CCT5: variants seen among roughly 807,000 people sequenced by gnomAD.
The protein encoded by CCT5 is T-complex protein 1 subunit epsilon.
CCT5 carries 6 observed loss-of-function variants against 55.0 expected under a neutral mutation model. That is an observed-to-expected ratio of 0.11 (90% CI 0.06 to 0.22). CCT5 has a LOEUF of 0.22. CCT5 is among the 10% of genes least tolerant of loss of function. The pLI is 1.00. For synonymous variants in CCT5, 231 were observed against 243.7 expected (o/e 0.95, Z 0.49); for missense variants, 560 against 694.6 (o/e 0.81, Z 2.18).
intron 4 of CCT5, among the ~76,000 whole-genome samples, chr5:10,257,668 C>G (rs958592951): frequency 6.6e-6 from 1 of 152,224 alleles, no homozygotes; most frequent in Non-Finnish European, 1.5e-5. Context: ...CCAGTCCTTT[C>G]AGTTCCTGGT....
Position 10,250,684 on chromosome 5 carries a change from C to T in CCT5, c.105+239C>T. ...GCTGGGCCGCCAGCGCCCTTCGGAG[C>T]TGGGTGGGGCCGCTCAGTCCGGTCG... On this transcript the variant is annotated intron_variant, in intron 1 of 10. Transcript: ENST00000280326. 3 of 1,387,670 alleles carry T rather than the reference C, an allele frequency of 2.2e-6. No individual in the cohort carries two copies. The South Asian group carries it at 4.7e-5, about 22-fold the overall frequency. 86.0% of individuals were successfully genotyped at this position (1,387,670 alleles called of 1,614,324 possible).
In CCT5 at chr5:10,262,495, G is replaced by A. The variant is rs113262482; in HGVS notation, c.1194G>A (p.Ala398=). Residue 398 remains alanine, a synonymous_variant, in exon 9 of 11, where the codon GCG becomes GCA. Transcript: ENST00000280326. The stretch of plus-strand genomic sequence containing the variant: ...GTTTTCCTTAGATCATTGAGGAGGC[G>A]AAACGATCCCTTCACGATGCTTTGT... The part of the protein sequence containing the change: ...RGGNKMIIEE[A]KRSLHDALCV... 1.5e-3 allele frequency: 2,386 copies of A among 1,614,090 alleles called. 24 individuals carry two copies. In the African/African-American group the frequency reaches 0.025, roughly 17 times the overall value.
chr5:10,251,627 C>G (rs1407604293), intron 1 of CCT5, among the ~76,000 whole-genome samples: 1 of 152,142 alleles, frequency 6.6e-6, no homozygotes, highest in African/African-American at 2.4e-5. Context: ...CGCGGAACCT[C>G]CTTTTCCAGG....
chr5:10,257,459 T>C (rs1368833765), intron 4 of CCT5, among the ~76,000 whole-genome samples: 1 of 152,274 alleles, frequency 6.6e-6, no homozygotes, highest in Non-Finnish European at 1.5e-5. Context: ...ACAACATGTT[T>C]ACTTTCATGG....
At position 10,254,691 on chromosome 5, in the gene CCT5, G is replaced by A; in HGVS notation, c.184G>A (p.Val62Met). Residue 62 changes from valine to methionine, a missense_variant, in exon 3 of 11, where the codon GTG (valine) becomes ATG (methionine). Physicochemically the swap from Val to Met is conservative, Grantham distance 21. This residue lies in a region of CCT5 where 137 missense variants were observed against 181.9 expected (regional missense o/e 0.75). Coordinates refer to ENST00000280326, the MANE Select transcript of CCT5 (RefSeq NM_012073.5). ...LGPNGLDKMM[V>M]DKDGDVTVTN... ...TTTTTTAGGGCTTGATAAGATGATG[G>A]TGGATAAGGATGGAGATGTGACTGT... 2.5e-6 allele frequency: 4 copies of A among 1,613,836 alleles called. No homozygotes were observed. The highest frequency in any genetic ancestry group is 3.4e-6 in the Non-Finnish European group (4 of 1,179,800).
intron 10 of CCT5, 87 bp from the exon 11 acceptor site, chr5:10,264,569 A>T: frequency 1.1e-6 from 1 of 908,364 alleles, no homozygotes; most frequent in African/African-American, 1.6e-5. Flanking sequence ...CTTAAGTCTT[A>T]CTGTGATTCC....
intron 1 of CCT5, 49 bp from the exon 2 acceptor site, chr5:10,254,096 C>G (rs1182187322): frequency 4.1e-6 from 5 of 1,229,200 alleles, no homozygotes; most frequent in African/African-American, 1.5e-5. Flanking sequence ...TGCTTTTAAC[C>G]ATTGAAATTA....
intron 3 of CCT5, 71 bp from the exon 4 acceptor site, chr5:10,255,884 C>A: frequency 7.5e-7 from 1 of 1,336,610 alleles, no homozygotes; most frequent in Non-Finnish European, 1.1e-6. Context: ...TAGCATCTAA[C>A]TTGTGCTGAT....
intron 6 of CCT5, 141 bp downstream of exon 6, chr5:10,258,676 C>A: frequency 2.6e-6 from 2 of 782,136 alleles, no homozygotes; most frequent in Non-Finnish European, 4.3e-6. Flanking sequence ...AAGGCATAAA[C>A]AGGGAAGAAT....
chr5:10,258,375 T>C lies in CCT5; in HGVS notation c.724-11T>C. On this transcript the variant is annotated splice_polypyrimidine_tract_variant and intron_variant, in intron 5 of 10. Transcript: ENST00000280326. ...TTCCACCAATTAAAATGTCTTTATG[T>C]TCCCCCATAGAAAGTGGAAGATGCG... The C allele has an allele frequency of 6.2e-7, 1 of 1,614,076 alleles. No individual in the cohort carries two copies. The highest frequency in any genetic ancestry group is 8.5e-7 in the Non-Finnish European group (1 of 1,180,010).
At position 10,258,419 on chromosome 5, in the gene CCT5, T is replaced by C; in HGVS notation, c.757T>C (p.Cys253Arg). 6.2e-7 allele frequency: 1 copy of C among 1,614,236 alleles called. No homozygotes were observed. Among genetic ancestry groups the C allele is most frequent in the Non-Finnish European group, 8.5e-7 (1 of 1,180,042 alleles). The change falls in exon 6 of 11, where the codon TGT becomes CGT. Residue 253 changes from cysteine (C) to arginine (R), a missense_variant. Coordinates refer to ENST00000280326, the MANE Select transcript of CCT5 (RefSeq NM_012073.5). Reference protein sequence around the residue: ...VEDAKIAILTCPFEPPKPKTK... With the variant: ...VEDAKIAILTRPFEPPKPKTK... ...AGATGCGAAGATTGCAATTCTCACATGTCCATTTGAACCACCCAAACCAAA... is the reference window on the plus strand; with the variant it reads ...AGATGCGAAGATTGCAATTCTCACACGTCCATTTGAACCACCCAAACCAAA...
At chr5:10,249,931 AAAACCG>A, upstream of CCT5, 3 of 649,774 alleles carry the variant, frequency 4.6e-6, no homozygotes, top group Non-Finnish European at 3.9e-6. Context: ...AAAAAAAAAA[AAAACCG>A]GAAATGGGTC....
intron 6 of CCT5, among the ~76,000 whole-genome samples, chr5:10,259,564 G>C (rs2438656): frequency 0.92 from 139,872 of 152,230 alleles, 64,441 homozygotes; most frequent in African/African-American, 0.97. Context: ...TGGTCAGAGA[G>C]GTGACCTGTA....
intron 4 of CCT5, 163 bp from the exon 5 acceptor site, chr5:10,257,948 A>C: frequency 4.1e-6 from 3 of 731,188 alleles, no homozygotes; most frequent in Non-Finnish European, 7.1e-6. Context: ...CAGGTTAAGA[A>C]TCTGCCCCAG....
intron 3 of CCT5, among the ~76,000 whole-genome samples, chr5:10,255,370 C>G (rs73741354): frequency 6.6e-6 from 1 of 151,492 alleles, no homozygotes; most frequent in African/African-American, 2.4e-5. Flanking sequence ...CCTTTTTTTT[C>G]TGAAGATTTG....
chr5:10,258,713 T>C (rs1178024637), intron 6 of CCT5, among the ~76,000 whole-genome samples, 178 bp downstream of exon 6: 1 of 152,198 alleles, frequency 6.6e-6, no homozygotes, highest in Non-Finnish European at 1.5e-5. Flanking sequence ...AATGGTAGCG[T>C]GTTCAGGCCA....
At chr5:10,256,374 A>C (rs559284119) in intron 4 of CCT5, among the ~76,000 whole-genome samples, 50 of 152,376 alleles carry the variant, frequency 3.3e-4, no homozygotes, top group African/African-American at 1.2e-3. Flanking sequence ...TCCCCTTGAC[A>C]ATATTTGCAA....
chr5:10,258,020 TTA>T (rs917174424), intron 4 of CCT5, 89 bp from the exon 5 acceptor site: 2 of 1,306,494 alleles, frequency 1.5e-6, no homozygotes, highest in African/African-American at 2.9e-5. Flanking sequence ...ATCGTTTGAT[TTA>T]TATCTTTGAG....
intron 7 of CCT5, 50 bp downstream of exon 7, chr5:10,260,961 G>A: frequency 6.3e-7 from 1 of 1,595,140 alleles, no homozygotes; most frequent in East Asian, 2.2e-5. Flanking sequence ...TTCATCTTAT[G>A]TGTTGAGGGG....
Sources: gnomAD v4.1 joint callset for allele counts (sites outside exome capture counted in the v4.1 genomes callset) on GRCh38, gnomAD v4.1.1 for gene constraint, gnomAD v4.1.1 regional missense constraint, MANE v1.5 for transcripts, NCBI Gene and HGNC (gene_info 2026-07-23, HGNC 2026-07-21) for gene names.